ARHGAP24: variants seen among roughly 807,000 people sequenced by gnomAD.
ARHGAP24 encodes rho GTPase-activating protein 24.
Under a neutral mutation model 76.4 loss-of-function variants are expected in ARHGAP24, and 50 were observed. The ratio of observed to expected loss-of-function variants is 0.65; its 90% CI spans 0.52 to 0.83. ARHGAP24 has a LOEUF of 0.83. Among genes scored for constraint, ARHGAP24 ranks in the 40% least tolerant of loss-of-function variants. ARHGAP24 has a pLI of 0.00. For synonymous variants in ARHGAP24, 345 were observed against 323.3 expected, an observed-to-expected ratio of 1.07 and a Z score of -0.72; for missense variants, 930 against 914.2, an observed-to-expected ratio of 1.02 and a Z score of -0.22.
intron 1 of ARHGAP24, among the ~76,000 whole-genome samples, chr4:85,569,409 A>G (rs1045582585): frequency 1.3e-5 from 2 of 152,190 alleles, no homozygotes; most frequent in African/African-American, 4.8e-5. Flanking sequence ...TGGGACAGGA[A>G]AATCTCTTTT....
At chr4:85,677,484 C>T (rs1026597801) in intron 2 of ARHGAP24, among the ~76,000 whole-genome samples, 8 of 152,160 alleles carry the variant, frequency 5.3e-5, no homozygotes, top group African/African-American at 7.2e-5. Context: ...CCTGGCAGAC[C>T]ACCAAGGATG....
At chr4:85,632,860 A>G (rs1217325233) in intron 2 of ARHGAP24, among the ~76,000 whole-genome samples, 2 of 151,978 alleles carry the variant, frequency 1.3e-5, no homozygotes, top group African/African-American at 4.8e-5. Context: ...GTTTTCCCTA[A>G]TGAGATAACA....
chr4:85,557,848 G>A (rs964458088), intron 1 of ARHGAP24, among the ~76,000 whole-genome samples: 1 of 152,148 alleles, frequency 6.6e-6, no homozygotes, highest in African/African-American at 2.4e-5. Flanking sequence ...CTTTTGATGA[G>A]CACATATTTT....
intron 8 of ARHGAP24, among the ~76,000 whole-genome samples, chr4:85,987,323 T>C (rs1740061743): frequency 6.6e-6 from 1 of 152,108 alleles, no homozygotes; most frequent in African/African-American, 2.4e-5. Flanking sequence ...AATCCCCAGA[T>C]GCTTCACTCT....
At chr4:85,583,762 C>G (rs1316071904) in intron 2 of ARHGAP24, among the ~76,000 whole-genome samples, 2 of 150,498 alleles carry the variant, frequency 1.3e-5, no homozygotes, top group Non-Finnish European at 3.0e-5. Context: ...AAAAAAAACC[C>G]CATCAAAAAG....
rs769628135 is a variant in ARHGAP24, at chr4:85,994,745, A to G, written c.1091A>G (p.Asn364Ser). 8.7e-6 allele frequency: 14 copies of G among 1,614,046 alleles called. No individual in the cohort carries two copies. The highest frequency in any genetic ancestry group is 3.3e-4 in the Middle Eastern group (2 of 6,084). ...TMGQLQNKENNNTKDSPSRQC... is the reference protein window; with the variant it reads ...TMGQLQNKENSNTKDSPSRQC... ...GGGCAGTTACAGAACAAGGAGAACA[A>G]TAACACCAAGGACAGCCCTAGTAGG... The change falls in exon 9 of 10, where the codon AAT becomes AGT. Residue 364 changes from asparagine (N) to serine (S), a missense_variant. By Grantham distance (46) the Asn-to-Ser change is conservative. Transcript: ENST00000395184.
At chr4:85,866,026 A>G (rs1195617343) in intron 3 of ARHGAP24, among the ~76,000 whole-genome samples, 1 of 152,048 alleles carries the variant, frequency 6.6e-6, no homozygotes, top group African/African-American at 2.4e-5. Flanking sequence ...GAATACTAAT[A>G]TTTTTTCTCA....
intron 3 of ARHGAP24, among the ~76,000 whole-genome samples, chr4:85,837,794 G>A (rs1396309743): frequency 1.3e-5 from 2 of 152,118 alleles, no homozygotes; most frequent in South Asian, 2.1e-4. Flanking sequence ...CAATGTTGTA[G>A]GGAAATTTCC....
intron 1 of ARHGAP24, among the ~76,000 whole-genome samples, chr4:85,543,118 GAC>G (rs1455523782): frequency 6.6e-6 from 1 of 152,144 alleles, no homozygotes; most frequent in African/African-American, 2.4e-5. Flanking sequence ...AGATTTGGAA[GAC>G]TCCCTCATAG....
intron 3 of ARHGAP24, among the ~76,000 whole-genome samples, chr4:85,811,554 C>T (rs1275548599): frequency 5.3e-5 from 8 of 152,158 alleles, no homozygotes; most frequent in Admixed American, 5.2e-4. Flanking sequence ...TAGGTTTCAC[C>T]CTAAAGTTTT....
intron 2 of ARHGAP24, among the ~76,000 whole-genome samples, chr4:85,697,919 A>G (rs1222724086): frequency 3.3e-5 from 5 of 152,138 alleles, no homozygotes; most frequent in African/African-American, 9.7e-5. Flanking sequence ...AGCTACAAAA[A>G]CTTCATAGAA....
At chr4:85,677,267 A>G (rs934221773) in intron 2 of ARHGAP24, among the ~76,000 whole-genome samples, 3 of 152,270 alleles carry the variant, frequency 2.0e-5, no homozygotes, top group Admixed American at 2.0e-4. Context: ...ATGTTTATGT[A>G]CAGAAATTTA....
rs1320168874 is a variant in ARHGAP24, at chr4:85,971,063, A to G, written c.600-973A>G. Reference sequence around the variant, plus strand: ...AAAGGACGTTAAGTTTTCATTGTTTATTTTTATAGCATTTCTCTTCTTTTC... The same window carrying G: ...AAAGGACGTTAAGTTTTCATTGTTTGTTTTTATAGCATTTCTCTTCTTTTC... On this transcript the variant is annotated intron_variant, in intron 5 of 9. Coordinates refer to ENST00000395184, the MANE Select transcript of ARHGAP24 (RefSeq NM_001025616.3). 2.6e-5 allele frequency among the ~76,000 whole-genome samples: 4 copies of G among 152,202 alleles called. No homozygotes were observed. In the East Asian group the frequency reaches 7.7e-4, roughly 29 times the overall value.
At position 86,000,832 on chromosome 4, in the gene ARHGAP24, T is replaced by A; in HGVS notation, c.*110T>A. ...TCACCTGGATGTACAGAAGTCTAAC[T>A]GGTGAAGGAATATCATTTACAGACA... On this transcript the variant is annotated 3_prime_UTR_variant, in exon 10 of 10. Coordinates refer to ENST00000395184, the MANE Select transcript of ARHGAP24 (RefSeq NM_001025616.3). 6.7e-7 allele frequency: 1 copy of A among 1,487,274 alleles called. No homozygotes were observed. Among genetic ancestry groups the A allele is most frequent in the Non-Finnish European group, 9.2e-7 (1 of 1,083,536 alleles). The allele number at this position is 1,487,274 out of a possible 1,614,324, so 92.1% of individuals were successfully genotyped here.
chr4:85,972,184 T>G lies in ARHGAP24; in HGVS notation c.732+16T>G, dbSNP rs1215526324. ...AGAGGAAGCAGTAAGTTGATGCATT[T>G]ATTTCCAAATAAGCTTTTGTTTGGA... On this transcript the variant is annotated intron_variant, in intron 6 of 9. Coordinates refer to ENST00000395184, the MANE Select transcript of ARHGAP24 (RefSeq NM_001025616.3). The G allele has an allele frequency of 6.2e-7, 1 of 1,612,990 alleles. No homozygotes were observed. Among genetic ancestry groups the G allele is most frequent in the South Asian group, 1.1e-5 (1 of 91,076 alleles).
intron 8 of ARHGAP24, among the ~76,000 whole-genome samples, chr4:85,992,760 G>T (rs553038958): frequency 2.6e-5 from 4 of 152,114 alleles, no homozygotes; most frequent in African/African-American, 9.6e-5. Context: ...CAAATTCGGA[G>T]ATTCCTAAAA....
chr4:85,599,362 T>C (rs1578067314), intron 2 of ARHGAP24, among the ~76,000 whole-genome samples: 1 of 152,308 alleles, frequency 6.6e-6, no homozygotes, highest in East Asian at 1.9e-4. Context: ...TCAGTTCATC[T>C]TGTAATTTTA....
intron 1 of ARHGAP24, among the ~76,000 whole-genome samples, chr4:85,555,959 T>C (rs1726343982): frequency 6.6e-6 from 1 of 152,144 alleles, no homozygotes; most frequent in East Asian, 1.9e-4. Flanking sequence ...CTTTGCTCCT[T>C]TTCCAGTCTG....
chr4:85,885,906 G>A (rs973122898), intron 3 of ARHGAP24, among the ~76,000 whole-genome samples: 72 of 152,114 alleles, frequency 4.7e-4, no homozygotes, highest in African/African-American at 1.7e-3. Context: ...GATTAGTTAT[G>A]CACTTCCTAG....
Sources: allele counts gnomAD v4.1 joint callset (sites outside exome capture counted in the v4.1 genomes callset), GRCh38; gene constraint gnomAD v4.1.1; transcripts MANE v1.5; gene names NCBI Gene and HGNC (gene_info 2026-07-23, HGNC 2026-07-21).